Variants in NR3C1 observed in about 807,000 individuals in gnomAD.
NR3C1 encodes the protein glucocorticoid receptor.
Under a neutral mutation model 74.0 loss-of-function variants are expected in NR3C1, and 14 were observed. The observed-to-expected ratio is 0.19, with a 90% CI of 0.12 to 0.30. The LOEUF is 0.30. Ranked by LOEUF, NR3C1 falls within the 10% of genes least tolerant of loss-of-function variation. The pLI is 1.00. For synonymous variants in NR3C1, 308 were observed against 332.5 expected, an observed-to-expected ratio of 0.93 and a Z score of 0.80; for missense variants, 695 against 909.8, an observed-to-expected ratio of 0.76 and a Z score of 3.04.
intron 1 of NR3C1, among the ~76,000 whole-genome samples, chr5:143,420,154 C>T (rs1045542592): frequency 2.0e-4 from 30 of 152,132 alleles, no homozygotes; most frequent in Non-Finnish European, 3.7e-4. Flanking sequence ...TCAAGGTGCC[C>T]AGATTTCATA....
In NR3C1 at chr5:143,293,965, G is replaced by T. The variant is rs1205066098; in HGVS notation, c.2023+1495C>A. ...GCTATGATCAGAATTTTATGTAACTGCTTAATCACTTCTTTAACAAGTGTA... is the reference window on the plus strand; with the variant it reads ...GCTATGATCAGAATTTTATGTAACTTCTTAATCACTTCTTTAACAAGTGTA... On this transcript the variant is annotated intron_variant, in intron 7 of 8. Transcript: ENST00000394464. 5.1e-6 allele frequency: 5 copies of T among 983,512 alleles called. No individual in the cohort carries two copies. In the African/African-American group the frequency reaches 8.8e-5, roughly 17 times the overall value. 60.9% of individuals were successfully genotyped at this position (983,512 alleles called of 1,614,324 possible).
rs779026728 is a variant in NR3C1 at position 143,400,818 on chromosome 5, TTAA to T, written c.19_21del (p.Leu7del). The T allele has an allele frequency of 6.2e-7, 1 of 1,613,656 alleles. No homozygotes were observed. The highest frequency in any genetic ancestry group is 8.5e-7 in the Non-Finnish European group (1 of 1,179,964). ...CTGGGGTTTTCTTCTCTACCAGGAGTTAATGATTCTTTGGAGTCCATCAGTGAA... is the reference window on the plus strand; with the variant it reads ...CTGGGGTTTTCTTCTCTACCAGGAGTTGATTCTTTGGAGTCCATCAGTGAA... On this transcript the variant is annotated inframe_deletion, in exon 2 of 9. Coordinates refer to ENST00000394464, the MANE Select transcript of NR3C1 (RefSeq NM_000176.3).
intron 3 of NR3C1, among the ~76,000 whole-genome samples, chr5:143,310,997 G>T (rs1319082499): frequency 6.6e-6 from 1 of 152,190 alleles, no homozygotes; most frequent in African/African-American, 2.4e-5. Context: ...GGGGTAGATG[G>T]TTAACTGTAT....
chr5:143,304,261 C>T (rs1030360482), intron 4 of NR3C1, among the ~76,000 whole-genome samples: 1 of 152,080 alleles, frequency 6.6e-6, no homozygotes, highest in Non-Finnish European at 1.5e-5. Context: ...CATTTCTATA[C>T]ACCAGTAATG....
At position 143,281,184 on chromosome 5, in the gene NR3C1, G is replaced by T. The variant is rs1813032760; in HGVS notation, c.*705C>A. 1 of 138,250 alleles carries T rather than the reference G, an allele frequency of 7.2e-6. No individual in the cohort carries two copies. 8.6% of individuals were successfully genotyped at this position (138,250 alleles called of 1,614,324 possible). On this transcript the variant is annotated 3_prime_UTR_variant, in exon 9 of 9. Transcript: ENST00000394464. ...AGTCAATTTTTGTGGTCTTCTGATA[G>T]CTAAGTGCCATCAGGTTAGAAGCAC...
At chr5:143,297,826 G>A (rs1817635022) in intron 6 of NR3C1, among the ~76,000 whole-genome samples, 1 of 152,176 alleles carries the variant, frequency 6.6e-6, no homozygotes, top group African/African-American at 2.4e-5. Context: ...AGAGTATGCT[G>A]GAAAGGATGG....
chr5:143,394,570 T>A (rs1337853641), intron 2 of NR3C1, among the ~76,000 whole-genome samples: 1 of 152,000 alleles, frequency 6.6e-6, no homozygotes, highest in East Asian at 1.9e-4. Flanking sequence ...TTTCATTTAT[T>A]AAACAGCAGC....
chr5:143,400,172 C>A lies in NR3C1; in HGVS notation c.668G>T (p.Cys223Phe). 6.2e-7 allele frequency: 1 copy of A among 1,613,994 alleles called. No individual in the cohort carries two copies. The highest frequency in any genetic ancestry group is 1.3e-5 in the African/African-American group (1 of 74,996). The change falls in exon 2 of 9, where the codon TGT (cysteine) becomes TTT (phenylalanine). Residue 223 changes from cysteine (C) to phenylalanine (F), a missense_variant. By Grantham distance (205) the Cys-to-Phe change is radical. Transcript: ENST00000394464. ...TTCTCCCGCCAGAGGAGAAAGCAAA[C>A]AGTTTTCATCTATCAACAGGTCTGA... is the stretch of plus-strand genomic sequence containing the variant. ...WRSDLLIDENCLLSPLAGEDD... is the reference protein window; with the variant it reads ...WRSDLLIDENFLLSPLAGEDD...
intron 2 of NR3C1, among the ~76,000 whole-genome samples, chr5:143,334,068 G>A (rs1826590240): frequency 6.6e-6 from 1 of 152,046 alleles, no homozygotes; most frequent in African/African-American, 2.4e-5. Context: ...TTCAAAAACT[G>A]GAAAGGAAGG....
intron 1 of NR3C1, among the ~76,000 whole-genome samples, chr5:143,413,573 G>A (rs1841375127): frequency 6.6e-6 from 1 of 152,066 alleles, no homozygotes; most frequent in Non-Finnish European, 1.5e-5. Context: ...TTTGTTTTCT[G>A]GAAAGATTAT....
intron 2 of NR3C1, among the ~76,000 whole-genome samples, chr5:143,344,372 T>G (rs4912650): frequency 0.21 from 31,371 of 152,152 alleles, 3,766 homozygotes; most frequent in East Asian, 0.34. Context: ...TAATACTAAT[T>G]AGTTATTATG....
At chr5:143,404,097 T>C, upstream of NR3C1, 2 of 985,228 alleles carry the variant, frequency 2.0e-6, no homozygotes, top group Non-Finnish European at 2.4e-6. Flanking sequence ...ACTCGGGAGC[T>C]CGCTCTGCCC....
At chr5:143,382,306 C>G (rs1836407954) in intron 2 of NR3C1, among the ~76,000 whole-genome samples, 1 of 151,998 alleles carries the variant, frequency 6.6e-6, no homozygotes, top group African/African-American at 2.4e-5. Context: ...CTACTATATA[C>G]CCATAAAAAT....
At chr5:143,423,368 C>G (rs1158446824) in intron 1 of NR3C1, among the ~76,000 whole-genome samples, 1 of 152,200 alleles carries the variant, frequency 6.6e-6, no homozygotes, top group Non-Finnish European at 1.5e-5. Context: ...CATCCTTAAT[C>G]ATCAGAGAAA....
chr5:143,346,259 T>C (rs975520523), intron 2 of NR3C1, among the ~76,000 whole-genome samples: 4 of 152,144 alleles, frequency 2.6e-5, no homozygotes, highest in South Asian at 2.1e-4. Context: ...TGCCTCTTCT[T>C]CTCCTCCTTC....
chr5:143,314,475 A>G (rs1821670168), intron 2 of NR3C1, among the ~76,000 whole-genome samples: 1 of 147,862 alleles, frequency 6.8e-6, no homozygotes, highest in African/African-American at 2.5e-5. Flanking sequence ...CACGTTTATT[A>G]AGGTGTCACA....
At chr5:143,332,123 T>C (rs1405214234) in intron 2 of NR3C1, among the ~76,000 whole-genome samples, 1 of 152,198 alleles carries the variant, frequency 6.6e-6, no homozygotes, top group Non-Finnish European at 1.5e-5. Context: ...GTAGCATAAA[T>C]AGCTGACAAC....
At chr5:143,423,516 G>A (rs1460799391) in intron 1 of NR3C1, among the ~76,000 whole-genome samples, 1 of 152,102 alleles carries the variant, frequency 6.6e-6, no homozygotes, top group African/African-American at 2.4e-5. Flanking sequence ...ACGTAAATTA[G>A]TACAGCCACT....
chr5:143,288,345 TC>T (rs1815020109), intron 7 of NR3C1, among the ~76,000 whole-genome samples: 1 of 151,992 alleles, frequency 6.6e-6, no homozygotes. Flanking sequence ...GGTCTCGAAC[TC>T]CTGACTTGAT....
Sources: allele counts gnomAD v4.1 joint callset (sites outside exome capture counted in the v4.1 genomes callset), GRCh38; gene constraint gnomAD v4.1.1; transcripts MANE v1.5; gene names NCBI Gene and HGNC (gene_info 2026-07-23, HGNC 2026-07-21).